KLRG1: variants seen among roughly 807,000 people sequenced by gnomAD.
KLRG1 encodes the protein killer cell lectin like receptor G1.
In KLRG1, 16 loss-of-function variants were observed where a neutral mutation model predicts 21.8. That is an observed-to-expected ratio of 0.73 (90% CI 0.50 to 1.11). The LOEUF (loss-of-function observed/expected upper bound fraction) is 1.11, where lower values mean the gene tolerates loss of function less well. Ranked by LOEUF, KLRG1 falls within the 50% of genes most tolerant of loss-of-function variation. The pLI is 0.00. For missense variants in KLRG1, 173 were observed against 218.3 expected (o/e 0.79, Z 1.31); for synonymous variants, 69 against 75.9 (o/e 0.91, Z 0.47).
the KLRG1 span, among the ~76,000 whole-genome samples, chr12:9,024,672 T>C: frequency 6.6e-6 from 1 of 152,196 alleles, no homozygotes; most frequent in East Asian, 1.9e-4. Flanking sequence ...TGGGTGCCTA[T>C]TTCTTTATAC....
At chr12:9,178,278 C>G in the KLRG1 span, among the ~76,000 whole-genome samples, 8 of 152,198 alleles carry the variant, frequency 5.3e-5, no homozygotes, top group Non-Finnish European at 7.3e-5. Flanking sequence ...CCTGCTTCAT[C>G]TTGCTCGGGA....
At chr12:9,047,338 T>C in the KLRG1 span, among the ~76,000 whole-genome samples, 1 of 152,218 alleles carries the variant, frequency 6.6e-6, no homozygotes, top group Non-Finnish European at 1.5e-5. Context: ...TGTGACTCAG[T>C]GTAGTGTTAT....
chr12:9,211,360 TC>T, the KLRG1 span, among the ~76,000 whole-genome samples: 1 of 152,146 alleles, frequency 6.6e-6, no homozygotes, highest in African/African-American at 2.4e-5. Flanking sequence ...ACTAATTCTT[TC>T]TTTTGTGTGA....
the KLRG1 span, chr12:9,194,099 G>A: frequency 3.1e-6 from 5 of 1,613,034 alleles, no homozygotes; most frequent in South Asian, 2.2e-5. Flanking sequence ...TTTATTAACC[G>A]AGATACTGGT....
At chr12:8,959,337 AT>A (rs1217322849) in intron 1 of KLRG1, among the ~76,000 whole-genome samples, 2 of 152,112 alleles carry the variant, frequency 1.3e-5, no homozygotes, top group Non-Finnish European at 1.5e-5. Flanking sequence ...TCTTTGAGAC[AT>A]TTTTCAGATT....
the KLRG1 span, among the ~76,000 whole-genome samples, chr12:9,199,654 TA>T: frequency 2.0e-5 from 3 of 151,980 alleles, no homozygotes; most frequent in Admixed American, 2.0e-4. Flanking sequence ...GAAATGTCAT[TA>T]AAAAAAGGAG....
intron 1 of KLRG1, among the ~76,000 whole-genome samples, chr12:8,957,472 A>G (rs1946313860): frequency 6.6e-6 from 1 of 152,154 alleles, no homozygotes; most frequent in African/African-American, 2.4e-5. Flanking sequence ...TATTCTTACC[A>G]TAGATGTTAG....
the KLRG1 span, chr12:9,196,584 T>C: frequency 6.8e-6 from 11 of 1,608,248 alleles, no homozygotes; most frequent in Admixed American, 1.8e-4. Flanking sequence ...TCCCCTCTTC[T>C]CTGATCCTGG....
At chr12:9,105,574 C>A in the KLRG1 span, among the ~76,000 whole-genome samples, 1 of 152,102 alleles carries the variant, frequency 6.6e-6, no homozygotes, top group Non-Finnish European at 1.5e-5. Flanking sequence ...TGATCTCAGA[C>A]TTCTAGAGTC....
chr12:9,091,405 T>C, the KLRG1 span: 3 of 1,614,154 alleles, frequency 1.9e-6, no homozygotes, highest in Non-Finnish European at 2.5e-6. Flanking sequence ...GGACTGTTAC[T>C]CCTACCTCAG....
At chr12:9,152,889 C>A in the KLRG1 span, 8 of 1,613,966 alleles carry the variant, frequency 5.0e-6, no homozygotes, top group African/African-American at 1.1e-4. Flanking sequence ...GGGGCACAGT[C>A]TGCACTTTTA....
chr12:9,123,835 A>G, the KLRG1 span, among the ~76,000 whole-genome samples: 1 of 134,660 alleles, frequency 7.4e-6, no homozygotes, highest in Admixed American at 7.4e-5. Flanking sequence ...TCTATGCCTA[A>G]TTCAATGGCT....
chr12:9,213,960 G>A, the KLRG1 span, among the ~76,000 whole-genome samples: 1 of 151,930 alleles, frequency 6.6e-6, no homozygotes, highest in Non-Finnish European at 1.5e-5. Flanking sequence ...TATTATTTTA[G>A]CTCTTACATT....
chr12:8,968,770 A>G (rs1946521289), intron 1 of KLRG1, among the ~76,000 whole-genome samples: 1 of 152,232 alleles, frequency 6.6e-6, no homozygotes, highest in Non-Finnish European at 1.5e-5. Context: ...TTTGACCAAA[A>G]CAGAATTAAA....
the KLRG1 span, among the ~76,000 whole-genome samples, chr12:9,170,475 G>A: frequency 7.3e-4 from 111 of 152,328 alleles, no homozygotes; most frequent in African/African-American, 2.6e-3. This position sits in a 1 kb window ranked among gnomAD's most constrained non-coding sequence, Gnocchi z 4.6. Flanking sequence ...TAAATTCAGA[G>A]AGCCAAAGAG....
At chr12:9,087,961 C>A in the KLRG1 span, among the ~76,000 whole-genome samples, 1 of 151,920 alleles carries the variant, frequency 6.6e-6, no homozygotes, top group South Asian at 2.1e-4. Context: ...GTTGAAAAAA[C>A]CAATATAGGA....
the KLRG1 span, among the ~76,000 whole-genome samples, chr12:9,033,453 A>G: frequency 4.2e-3 from 636 of 150,832 alleles, 6 homozygotes; most frequent in African/African-American, 0.014. Flanking sequence ...AAAAAAAAAA[A>G]GGGGATTACT....
chr12:8,974,857 GCCTCATAATAATTATGAGGAGGCATTA>G (rs1946631249), intron 1 of KLRG1, among the ~76,000 whole-genome samples: 1 of 151,014 alleles, frequency 6.6e-6, no homozygotes, highest in African/African-American at 2.4e-5. Context: ...GATATTGCTT[GCCTCATAATAATTATGAGGAGGCATTA>G]CCTCTTCTTC....
the KLRG1 span, among the ~76,000 whole-genome samples, chr12:9,085,814 T>C: frequency 6.7e-6 from 1 of 149,994 alleles, no homozygotes; most frequent in Non-Finnish European, 1.5e-5. Context: ...GAAAGAGAAA[T>C]TATGGCTGAT....
Sources: gnomAD v4.1 joint callset for allele counts (sites outside exome capture counted in the v4.1 genomes callset) on GRCh38, gnomAD v4.1.1 for gene constraint, Gnocchi (gnomAD v3.1) non-coding constraint, MANE v1.5 for transcripts, NCBI Gene and HGNC (gene_info 2026-07-23, HGNC 2026-07-21) for gene names.